Variants in TMEM248 observed in about 807,000 individuals in gnomAD.
The protein encoded by TMEM248 is UPF0458 protein C7orf42.
Under a neutral mutation model 30.3 loss-of-function variants are expected in TMEM248, and 9 were observed. That is an observed-to-expected ratio of 0.30 (90% CI 0.18 to 0.52). TMEM248 has a LOEUF of 0.52. Ranked by LOEUF, TMEM248 falls within the 20% of genes least tolerant of loss-of-function variation. TMEM248 has a pLI of 0.97. For synonymous variants in TMEM248, 184 were observed against 154.4 expected (o/e 1.19, Z -1.42); for missense variants, 338 against 403.3 (o/e 0.84, Z 1.39).
Position 66,945,032 on chromosome 7 carries a change from T to C in TMEM248, c.216T>C (p.Asn72=). The C allele has an allele frequency of 2.5e-6, 4 of 1,614,210 alleles. No homozygotes were observed. Among genetic ancestry groups the C allele is most frequent in the South Asian group, 1.1e-5 (1 of 91,084 alleles). The change falls in exon 3 of 7, where the codon AAT becomes AAC. Residue 72 remains asparagine (N), a synonymous_variant. Transcript: ENST00000341567. Reference sequence around the variant, plus strand: ...ATTTGGACTTGTGTGTATCAGAGAATGAAACCCTCAAGCATCTCACAAACG... The same window carrying C: ...ATTTGGACTTGTGTGTATCAGAGAACGAAACCCTCAAGCATCTCACAAACG... ...FNDLDLCVSE[N]ETLKHLTNDT... is the part of the protein sequence containing the mutation.
chr7:66,953,148 G>A, intron 5 of TMEM248, 78 bp from the exon 6 acceptor site: 2 of 1,510,242 alleles, frequency 1.3e-6, no homozygotes, highest in Middle Eastern at 2.0e-4. Context: ...TGTCAATCCT[G>A]TCTCTCAAAA....
At chr7:66,942,553 T>C (rs1170441229) in intron 2 of TMEM248, among the ~76,000 whole-genome samples, 3 of 152,214 alleles carry the variant, frequency 2.0e-5, no homozygotes, top group African/African-American at 7.2e-5. Context: ...TGGAGTGCAG[T>C]GGCGTACTCT....
chr7:66,933,862 G>C (rs1429301167), intron 1 of TMEM248, among the ~76,000 whole-genome samples: 4 of 152,154 alleles, frequency 2.6e-5, no homozygotes, highest in Non-Finnish European at 5.9e-5. Context: ...CCCAGCAGTG[G>C]TCATTTCTTT....
intron 1 of TMEM248, among the ~76,000 whole-genome samples, chr7:66,930,067 G>A (rs1008360647): frequency 1.3e-5 from 2 of 152,144 alleles, no homozygotes; most frequent in African/African-American, 4.8e-5. Flanking sequence ...GGCCAAGGTG[G>A]GAGGATCGCT....
chr7:66,933,093 C>T (rs539781369), intron 1 of TMEM248, among the ~76,000 whole-genome samples: 1 of 152,296 alleles, frequency 6.6e-6, no homozygotes, highest in East Asian at 1.9e-4. Flanking sequence ...CTCCTGACCT[C>T]AGGTGATCCG....
chr7:66,923,094 C>T (rs1171786767), intron 1 of TMEM248, among the ~76,000 whole-genome samples: 1 of 151,988 alleles, frequency 6.6e-6, no homozygotes, highest in Non-Finnish European at 1.5e-5. Context: ...ACTGAATTGC[C>T]ATAGTGGTAT....
chr7:66,949,542 C>T (rs900582617), intron 4 of TMEM248, among the ~76,000 whole-genome samples: 6 of 152,170 alleles, frequency 3.9e-5, no homozygotes, highest in South Asian at 2.1e-4. Flanking sequence ...ATTTTAAAAT[C>T]GTTGATTTTA....
At chr7:66,923,041 G>A (rs1383766467) in intron 1 of TMEM248, among the ~76,000 whole-genome samples, 1 of 152,144 alleles carries the variant, frequency 6.6e-6, no homozygotes, top group Non-Finnish European at 1.5e-5. Context: ...CTGCCTGTAA[G>A]GAATGTACTT....
chr7:66,931,887 C>A (rs2129221623), intron 1 of TMEM248, among the ~76,000 whole-genome samples: 1 of 145,166 alleles, frequency 6.9e-6, no homozygotes, highest in Non-Finnish European at 1.5e-5. Context: ...TCACTGCAAG[C>A]TCCGTCTCCT....
intron 1 of TMEM248, chr7:66,930,946 C>T (rs958200033): frequency 1.3e-5 from 2 of 152,556 alleles, no homozygotes; most frequent in Non-Finnish European, 2.9e-5. Context: ...CTTGCTTCTC[C>T]CATCCTCTCT....
In TMEM248 at chr7:66,957,310, A is replaced by C. The variant is rs878888272; in HGVS notation, c.*1788A>C. On this transcript the variant is annotated 3_prime_UTR_variant, in exon 7 of 7. Transcript: ENST00000341567. ...TTTTATCCCAGGCATTTTTGAATAGAAAACAGTTGCGTGCTTTTATTGAAG... is the reference window on the plus strand; with the variant it reads ...TTTTATCCCAGGCATTTTTGAATAGCAAACAGTTGCGTGCTTTTATTGAAG... 4 of 152,322 alleles carry C rather than the reference A, an allele frequency of 2.6e-5. No individual in the cohort carries two copies. In the South Asian group the frequency reaches 8.3e-4, roughly 31 times the overall value. 9.4% of individuals were successfully genotyped at this position (152,322 alleles called of 1,614,324 possible).
intron 6 of TMEM248, among the ~76,000 whole-genome samples, chr7:66,954,350 G>GT (rs923403985): frequency 4.2e-5 from 6 of 143,976 alleles, no homozygotes; most frequent in South Asian, 2.3e-4. Flanking sequence ...TTATGTATTG[G>GT]TTTTTTTTCT....
intron 1 of TMEM248, among the ~76,000 whole-genome samples, chr7:66,940,501 G>A (rs1423869845): frequency 3.3e-5 from 5 of 152,234 alleles, no homozygotes; most frequent in African/African-American, 1.2e-4. Flanking sequence ...TGTTAAGAGA[G>A]CAGCACTCCC....
chr7:66,939,157 G>C (rs185780219), intron 1 of TMEM248, among the ~76,000 whole-genome samples: 1 of 152,370 alleles, frequency 6.6e-6, no homozygotes, highest in African/African-American at 2.4e-5. Flanking sequence ...ATGGAATGGA[G>C]CAGGCTCCTT....
In TMEM248 at chr7:66,930,208, T is replaced by C. The variant is rs182543820; in HGVS notation, c.-19+8747T>C. ...CTAGGTAAATGACGGTGTTTTTCCT[T>C]AGGGAAGGAGCCAGTTTGGTGCCTT... On this transcript the variant is annotated intron_variant, in intron 1 of 6. Transcript: ENST00000341567. Among the ~76,000 whole-genome samples, 303 of 152,278 alleles carry C rather than the reference T, an allele frequency of 2.0e-3. 4 individuals carry two copies. The highest frequency in any genetic ancestry group is 0.017 in the Admixed American group (256 of 15,294).
intron 5 of TMEM248, chr7:66,951,441 T>A (rs1792267914): frequency 4.1e-6 from 1 of 243,604 alleles, no homozygotes; most frequent in Non-Finnish European, 7.8e-6. Flanking sequence ...TAATATTATC[T>A]TAGAGGGATG....
At chr7:66,948,485 C>A in intron 3 of TMEM248, 59 bp from the exon 4 acceptor site, 1 of 1,558,452 alleles carries the variant, frequency 6.4e-7, no homozygotes, top group South Asian at 1.2e-5. Context: ...TATTTGTATC[C>A]CAGAGAATGA....
At chr7:66,921,849 G>A (rs1210838958) in intron 1 of TMEM248, 3 of 152,316 alleles carry the variant, frequency 2.0e-5, no homozygotes. Context: ...ATCTCAGAAA[G>A]GTGGGAGGGA....
intron 1 of TMEM248, among the ~76,000 whole-genome samples, chr7:66,924,130 G>C (rs1013619505): frequency 3.3e-5 from 5 of 152,226 alleles, no homozygotes; most frequent in Non-Finnish European, 7.3e-5. Context: ...TGATGTCTGT[G>C]AGTTGTTTCA....
Sources: allele counts gnomAD v4.1 joint callset (sites outside exome capture counted in the v4.1 genomes callset), GRCh38; gene constraint gnomAD v4.1.1; transcripts MANE v1.5; gene names NCBI Gene and HGNC (gene_info 2026-07-23, HGNC 2026-07-21).